CYFIP2: variants seen among roughly 807,000 people sequenced by gnomAD.
CYFIP2 encodes the protein cytoplasmic FMR1 interacting protein 2.
CYFIP2 carries 29 observed loss-of-function variants against 158.7 expected under a neutral mutation model. The observed-to-expected ratio is 0.18, with a 90% CI of 0.14 to 0.25. The LOEUF is 0.25. Ranked by LOEUF, CYFIP2 falls within the 10% of genes least tolerant of loss-of-function variation. The probability of loss-of-function intolerance (pLI) is 1.00; values close to 1 mark genes in which losing one functional copy is unlikely to be tolerated. For synonymous variants in CYFIP2, 585 were observed against 617.6 expected (o/e 0.95, Z 0.78); for missense variants, 852 against 1,639.5 (o/e 0.52, Z 8.29).
chr5:157,344,978 A>T (rs755511384), intron 23 of CYFIP2, among the ~76,000 whole-genome samples: 11 of 152,222 alleles, frequency 7.2e-5, no homozygotes, highest in Non-Finnish European at 1.2e-4. Flanking sequence ...GTGAACTAAG[A>T]TACTCAGGAA....
chr5:157,386,236 G>A (rs1766672102), intron 28 of CYFIP2, among the ~76,000 whole-genome samples: 1 of 151,966 alleles, frequency 6.6e-6, no homozygotes, highest in Non-Finnish European at 1.5e-5. Context: ...TATTATTATT[G>A]AGACAGGGTC....
rs978473783 is a variant in CYFIP2 at position 157,310,292 on chromosome 5, A to G, written c.992+458A>G. ...TATAAACCACAATTCTGGGTCATCT[A>G]TGCAAAGGCCTGGGGTGTCAGTGCT... On this transcript the variant is annotated intron_variant, in intron 10 of 30. Coordinates refer to ENST00000620254, the MANE Select transcript of CYFIP2 (RefSeq NM_001037333.3). 5.3e-5 allele frequency among the ~76,000 whole-genome samples: 8 copies of G among 152,302 alleles called. No individual in the cohort carries two copies. The East Asian group carries it at 9.6e-4, about 18-fold the overall frequency.
intron 26 of CYFIP2, among the ~76,000 whole-genome samples, chr5:157,375,115 A>G (rs904307330): frequency 6.6e-6 from 1 of 152,196 alleles, no homozygotes; most frequent in African/African-American, 2.4e-5. Flanking sequence ...CCTTTGTCCT[A>G]TCTAGTGCTA....
intron 3 of CYFIP2, among the ~76,000 whole-genome samples, chr5:157,293,789 G>A (rs1304239392): frequency 6.6e-6 from 1 of 152,202 alleles, no homozygotes; most frequent in African/African-American, 2.4e-5. Context: ...CCACAAAGGA[G>A]ACAGTTATTA....
chr5:157,286,914 C>T, intron 2 of CYFIP2, 105 bp from the exon 3 acceptor site: 1 of 782,128 alleles, frequency 1.3e-6, no homozygotes, highest in Admixed American at 2.1e-5. Context: ...GAGGTTTCCA[C>T]AGAGAGCTTG....
intron 1 of CYFIP2, among the ~76,000 whole-genome samples, chr5:157,267,917 G>A (rs559055939): frequency 9.8e-5 from 15 of 152,360 alleles, no homozygotes; most frequent in Non-Finnish European, 2.1e-4. Context: ...CCTGCAGGCA[G>A]GAATGCTGTA....
chr5:157,332,689 G>A (rs965632172), intron 20 of CYFIP2, among the ~76,000 whole-genome samples: 9 of 152,206 alleles, frequency 5.9e-5, no homozygotes, highest in African/African-American at 2.2e-4. Context: ...TGTCGCTCAG[G>A]CTGGAGTGCA....
chr5:157,349,738 G>T (rs1355201090), intron 23 of CYFIP2, among the ~76,000 whole-genome samples: 1 of 152,164 alleles, frequency 6.6e-6, no homozygotes, highest in African/African-American at 2.4e-5. Flanking sequence ...CACCAGCAGC[G>T]TAAAAGTGTT....
At chr5:157,373,776 G>A (rs1186647069) in intron 26 of CYFIP2, among the ~76,000 whole-genome samples, 1 of 152,046 alleles carries the variant, frequency 6.6e-6, no homozygotes, top group African/African-American at 2.4e-5. Flanking sequence ...AGAAGAACTG[G>A]GCAGTTCAAA....
At chr5:157,286,927 T>C in intron 2 of CYFIP2, 92 bp from the exon 3 acceptor site, 4 of 895,132 alleles carry the variant, frequency 4.5e-6, no homozygotes, top group Non-Finnish European at 7.2e-6. Flanking sequence ...AGAGCTTGCG[T>C]TGTTTGTTGG....
chr5:157,314,845 G>A (rs944922140), intron 12 of CYFIP2, 124 bp from the exon 13 acceptor site: 1 of 776,898 alleles, frequency 1.3e-6, no homozygotes, highest in Admixed American at 3.0e-5. Flanking sequence ...TTTTCATGTT[G>A]TAGCATGAAT....
intron 26 of CYFIP2, among the ~76,000 whole-genome samples, chr5:157,368,825 C>T (rs1037934552): frequency 3.3e-5 from 5 of 152,082 alleles, no homozygotes; most frequent in South Asian, 2.1e-4. Context: ...ACCCACCTGC[C>T]GGTTGTCAGC....
chr5:157,383,228 C>A, intron 27 of CYFIP2, 37 bp from the exon 28 acceptor site: 1 of 1,593,730 alleles, frequency 6.3e-7, no homozygotes, highest in Non-Finnish European at 8.6e-7. Flanking sequence ...CCTGTGTTCC[C>A]TGAGTCTCAT....
intron 15 of CYFIP2, 49 bp downstream of exon 15, chr5:157,320,851 G>T: frequency 6.8e-7 from 1 of 1,477,182 alleles, no homozygotes; most frequent in Non-Finnish European, 9.0e-7. Flanking sequence ...GAGGCCAGCC[G>T]GGCTATGGTA....
rs944957259 is a variant in CYFIP2, at chr5:157,356,562, C to T, written c.2674-2443C>T. 1.8e-4 allele frequency among the ~76,000 whole-genome samples: 28 copies of T among 152,000 alleles called. 1 individual carries two copies. The highest frequency in any genetic ancestry group is 5.8e-4 in the African/African-American group (24 of 41,390). The stretch of plus-strand genomic sequence containing the variant: ...CAGGATGTAGAGCTTTTCCATCACC[C>T]TAGGAAGTCCTCTCATGCCCCTTTC... On this transcript the variant is annotated intron_variant, in intron 23 of 30. Transcript: ENST00000620254.
chr5:157,353,039 C>T (rs1763176612), intron 23 of CYFIP2, among the ~76,000 whole-genome samples: 2 of 152,088 alleles, frequency 1.3e-5, no homozygotes, highest in South Asian at 2.1e-4. Flanking sequence ...GTGGCCCTGC[C>T]GACACCTTGA....
rs111655782 is a variant in CYFIP2 at position 157,367,320 on chromosome 5, A to C, written c.3039+5722A>C. Among the ~76,000 whole-genome samples the C allele has an allele frequency of 1.3e-3, 198 of 152,338 alleles. 1 individual carries two copies. Among genetic ancestry groups the C allele is most frequent in the African/African-American group, 4.5e-3 (187 of 41,580 alleles). On this transcript the variant is annotated intron_variant, in intron 26 of 30. Transcript: ENST00000620254. ...TTCCAGTAGTACCCTTCATTGTGGC[A>C]ACCAATAATGTCTCTAGATATTGTC...
intron 1 of CYFIP2, among the ~76,000 whole-genome samples, chr5:157,269,057 T>C (rs1755858227): frequency 6.6e-6 from 1 of 152,166 alleles, no homozygotes; most frequent in East Asian, 1.9e-4. Context: ...AGAATTTGGC[T>C]TATGTATGTA....
chr5:157,322,248 C>T (rs1222448784), intron 15 of CYFIP2, among the ~76,000 whole-genome samples: 1 of 152,122 alleles, frequency 6.6e-6, no homozygotes, highest in Non-Finnish European at 1.5e-5. Context: ...GTGACTTGTC[C>T]AAGTCACAAG....
Sources: gnomAD v4.1 joint callset for allele counts (sites outside exome capture counted in the v4.1 genomes callset) on GRCh38, gnomAD v4.1.1 for gene constraint, MANE v1.5 for transcripts, NCBI Gene and HGNC (gene_info 2026-07-23, HGNC 2026-07-21) for gene names.